FLT1: variants seen among roughly 807,000 people sequenced by gnomAD.
The protein encoded by FLT1 is fms related receptor tyrosine kinase 1, also known as vascular endothelial growth factor receptor 1.
In FLT1, 49 loss-of-function variants were observed where a neutral mutation model predicts 156.3. The observed-to-expected ratio is 0.31, with a 90% CI of 0.25 to 0.40. The LOEUF (loss-of-function observed/expected upper bound fraction) is 0.40. Among genes scored for constraint, FLT1 ranks in the 10% least tolerant of loss-of-function variants. The pLI is 1.00. For synonymous variants in FLT1, 594 were observed against 583.8 expected (o/e 1.02, Z -0.25); for missense variants, 1,322 against 1,637.2 (o/e 0.81, Z 3.32).
chr13:28,463,929 C>A (rs967704025), intron 3 of FLT1, among the ~76,000 whole-genome samples: 1 of 148,736 alleles, frequency 6.7e-6, no homozygotes, highest in African/African-American at 2.5e-5. Flanking sequence ...ATCACCCTAA[C>A]AGGAAACAAA....
At chr13:28,403,230 A>G (rs896023691) in intron 11 of FLT1, among the ~76,000 whole-genome samples, 31 of 152,316 alleles carry the variant, frequency 2.0e-4, no homozygotes, top group African/African-American at 7.5e-4. Context: ...ACAGAGAGGA[A>G]GTGTCGTAGT....
chr13:28,425,196 C>T (rs1274569702), intron 10 of FLT1, among the ~76,000 whole-genome samples: 4 of 152,006 alleles, frequency 2.6e-5, no homozygotes, highest in Non-Finnish European at 2.9e-5. Context: ...AAGATGTGTA[C>T]GTTTTTGGCA....
intron 14 of FLT1, among the ~76,000 whole-genome samples, chr13:28,381,824 G>T (rs546481319): frequency 2.0e-5 from 3 of 152,068 alleles, no homozygotes; most frequent in Admixed American, 6.6e-5. Flanking sequence ...CATGATATGG[G>T]CCCCACCCCC....
chr13:28,459,657 TG>T (rs1300468363), intron 3 of FLT1, among the ~76,000 whole-genome samples: 1 of 152,258 alleles, frequency 6.6e-6, no homozygotes, highest in Non-Finnish European at 1.5e-5. Flanking sequence ...GCTATGAGTT[TG>T]GGTTTTATTT....
At chr13:28,485,138 A>G (rs1438423578) in intron 1 of FLT1, among the ~76,000 whole-genome samples, 1 of 152,220 alleles carries the variant, frequency 6.6e-6, no homozygotes, top group Non-Finnish European at 1.5e-5. Flanking sequence ...ATTGAAATAA[A>G]AAATATATGT....
intron 14 of FLT1, among the ~76,000 whole-genome samples, chr13:28,374,071 T>C (rs565812275): frequency 6.6e-6 from 1 of 152,096 alleles, no homozygotes; most frequent in East Asian, 1.9e-4. Context: ...GATTTCCGAT[T>C]GGGGTTATGA....
intron 18 of FLT1, among the ~76,000 whole-genome samples, chr13:28,330,017 C>T (rs1481046471): frequency 6.6e-6 from 1 of 152,218 alleles, no homozygotes; most frequent in Admixed American, 6.5e-5. Context: ...GAGCTGGGCA[C>T]CTCGTGAAAG....
chr13:28,365,976 T>C lies in FLT1; in HGVS notation c.2117-8291A>G, dbSNP rs1023009165. On this transcript the variant is annotated intron_variant, in intron 14 of 29. Transcript: ENST00000282397. ...GGGGATAAAATAATGGAAGGGGGAC[T>C]ATGTCTCTGGAGAATAGAAAGCCTG... Among the ~76,000 whole-genome samples the C allele has an allele frequency of 5.1e-4, 77 of 152,230 alleles. 1 individual carries two copies. The highest frequency in any genetic ancestry group is 1.8e-3 in the African/African-American group (73 of 41,470).
chr13:28,311,772 G>A (rs1871014381), intron 26 of FLT1, 40 bp from the exon 27 acceptor site: 1 of 1,607,238 alleles, frequency 6.2e-7, no homozygotes, highest in African/African-American at 1.3e-5. Context: ...CACCAATTCT[G>A]ACTTCAACAA....
chr13:28,428,361 CAT>C (rs1395855341), intron 8 of FLT1, among the ~76,000 whole-genome samples: 1 of 151,900 alleles, frequency 6.6e-6, no homozygotes, highest in Non-Finnish European at 1.5e-5. Flanking sequence ...ATTGTGGTCT[CAT>C]GTGGAGTTCT....
intron 14 of FLT1, among the ~76,000 whole-genome samples, chr13:28,372,072 A>ATT (rs1565990471): frequency 2.7e-3 from 42 of 15,500 alleles, no homozygotes; most frequent in Non-Finnish European, 4.3e-3. Context: ...ATATATATAT[A>ATT]TATATTTTTT....
At chr13:28,487,839 A>G (rs1328637275) in intron 1 of FLT1, among the ~76,000 whole-genome samples, 1 of 151,966 alleles carries the variant, frequency 6.6e-6, no homozygotes, top group Non-Finnish European at 1.5e-5. Context: ...ACTATTTTCC[A>G]CCAAATCCAT....
chr13:28,345,847 T>TA (rs966172522), intron 15 of FLT1: 3 of 306,942 alleles, frequency 9.8e-6, no homozygotes, highest in African/African-American at 6.5e-5. Context: ...AACAGCTAAG[T>TA]AAAAATCAGA....
Position 28,426,503 on chromosome 13 carries a change from T to TAG in FLT1, c.1436+654_1436+655dup, listed in dbSNP as rs1472845981. On this transcript the variant is annotated intron_variant, in intron 10 of 29. Coordinates refer to ENST00000282397, the MANE Select transcript of FLT1 (RefSeq NM_002019.4). ...GGGTGCTCTCAATCAGCTCTTAGCT[T>TAG]AGAGAGAGACAAACCTTTGCGCATC... Among the ~76,000 whole-genome samples the TAG allele has an allele frequency of 3.9e-5, 6 of 152,246 alleles. No individual in the cohort carries two copies. The East Asian group carries it at 1.2e-3, about 29-fold the overall frequency.
intron 10 of FLT1, among the ~76,000 whole-genome samples, chr13:28,414,833 T>G (rs907710958): frequency 3.3e-5 from 5 of 151,558 alleles, no homozygotes; most frequent in African/African-American, 1.2e-4. Context: ...ACATCAGATG[T>G]CAACCCTGCC....
chr13:28,389,080 A>T (rs996193451), intron 13 of FLT1: 2 of 1,064,486 alleles, frequency 1.9e-6, no homozygotes, highest in Non-Finnish European at 2.3e-6. Context: ...TCTCTGAATT[A>T]CACCAACATC....
At chr13:28,455,449 G>T (rs1879204444) in intron 3 of FLT1, among the ~76,000 whole-genome samples, 1 of 152,136 alleles carries the variant, frequency 6.6e-6, no homozygotes, top group Non-Finnish European at 1.5e-5. Flanking sequence ...AACAAAAAAT[G>T]AGGCTAGACA....
intron 23 of FLT1, among the ~76,000 whole-genome samples, chr13:28,320,611 T>A (rs1871410764): frequency 1.3e-5 from 2 of 152,056 alleles, no homozygotes; most frequent in Admixed American, 6.6e-5. Context: ...CCCAAGATAA[T>A]TCTTCTTCTT....
chr13:28,339,138 G>A (rs761131598), intron 17 of FLT1, 30 bp downstream of exon 17: 2 of 1,607,078 alleles, frequency 1.2e-6, no homozygotes, highest in Admixed American at 3.3e-5. Context: ...CTCAGTATAG[G>A]TTTATGAATC....
Sources: gnomAD v4.1 joint callset for allele counts (sites outside exome capture counted in the v4.1 genomes callset) on GRCh38, gnomAD v4.1.1 for gene constraint, MANE v1.5 for transcripts, NCBI Gene and HGNC (gene_info 2026-07-23, HGNC 2026-07-21) for gene names.